PARP8: variants seen among roughly 807,000 people sequenced by gnomAD.
The protein encoded by PARP8 is poly(ADP-ribose) polymerase family member 8.
PARP8 carries 51 observed loss-of-function variants against 124.1 expected under a neutral mutation model. The ratio of observed to expected loss-of-function variants is 0.41; its 90% CI spans 0.33 to 0.52. The LOEUF (loss-of-function observed/expected upper bound fraction) is 0.52, where lower values mean the gene tolerates loss of function less well. Among genes scored for constraint, PARP8 ranks in the 20% least tolerant of loss-of-function variants. The pLI, the probability that PARP8 is intolerant of heterozygous loss-of-function variation, is 0.21. For missense variants in PARP8, 860 were observed against 1,018.9 expected (o/e 0.84, Z 2.12); for synonymous variants, 391 against 361.5 (o/e 1.08, Z -0.93).
At chr5:50,722,334 A>G (rs1036725219) in intron 2 of PARP8, among the ~76,000 whole-genome samples, 1 of 152,064 alleles carries the variant, frequency 6.6e-6, no homozygotes, top group African/African-American at 2.4e-5. Flanking sequence ...AAGATATGGT[A>G]TATACTTCTA....
In PARP8 at chr5:50,762,115, T is replaced by C. The variant is rs74610615; in HGVS notation, c.423+217T>C. On this transcript the variant is annotated intron_variant, in intron 6 of 25. Coordinates refer to ENST00000281631, the MANE Select transcript of PARP8 (RefSeq NM_024615.4). ...TTTCAATTGTAATCATTTATTTACA[T>C]TGAAGTCATCTTAATTCATTACAGC... Among the ~76,000 whole-genome samples, 117 of 152,304 alleles carry C rather than the reference T, an allele frequency of 7.7e-4. 3 individuals are homozygous for C. The East Asian group carries it at 0.021, about 28-fold the overall frequency.
chr5:50,685,975 C>G (rs1022199902), intron 2 of PARP8, among the ~76,000 whole-genome samples: 1 of 152,190 alleles, frequency 6.6e-6, no homozygotes, highest in African/African-American at 2.4e-5. Context: ...ACAGCCAAAC[C>G]ATTCTGCCCT....
At chr5:50,763,046 A>ATTT in intron 6 of PARP8, 102 bp from the exon 7 acceptor site, 1 of 758,626 alleles carries the variant, frequency 1.3e-6, no homozygotes, top group Non-Finnish European at 2.2e-6. Flanking sequence ...GAAGCTAAAA[A>ATTT]TGCCCATGGC....
intron 2 of PARP8, among the ~76,000 whole-genome samples, chr5:50,712,307 CT>C (rs1754840527): frequency 1.3e-5 from 2 of 152,086 alleles, no homozygotes; most frequent in Non-Finnish European, 2.9e-5. Context: ...GGGAAATCTT[CT>C]GTTTCCCTAC....
intron 2 of PARP8, among the ~76,000 whole-genome samples, chr5:50,748,364 C>T (rs1758847196): frequency 6.6e-6 from 1 of 152,214 alleles, no homozygotes; most frequent in African/African-American, 2.4e-5. Flanking sequence ...CCTGTTACAA[C>T]GCTGTAATCA....
chr5:50,778,196 A>T (rs1039553547), intron 8 of PARP8, 67 bp downstream of exon 8: 19 of 1,233,008 alleles, frequency 1.5e-5, no homozygotes, highest in Admixed American at 2.4e-5. Context: ...TTTTGGGGGA[A>T]ATTTAATTTT....
intron 25 of PARP8, among the ~76,000 whole-genome samples, chr5:50,841,651 G>A (rs1561457363): frequency 6.6e-6 from 1 of 151,620 alleles, no homozygotes; most frequent in Non-Finnish European, 1.5e-5. Flanking sequence ...TTTTTTTATA[G>A]TAGACTTCGT....
At chr5:50,747,473 A>G (rs1758717396) in intron 2 of PARP8, among the ~76,000 whole-genome samples, 1 of 151,624 alleles carries the variant, frequency 6.6e-6, no homozygotes, top group African/African-American at 2.4e-5. Context: ...GTCTGGTTCC[A>G]TTAATTACTC....
At chr5:50,784,103 T>C (rs1348298511) in intron 9 of PARP8, among the ~76,000 whole-genome samples, 1 of 152,192 alleles carries the variant, frequency 6.6e-6, no homozygotes, top group African/African-American at 2.4e-5. Context: ...GCATTTATAG[T>C]AAAATGAAGT....
intron 24 of PARP8, among the ~76,000 whole-genome samples, chr5:50,834,620 G>A (rs1166122202): frequency 1.3e-5 from 2 of 152,060 alleles, no homozygotes; most frequent in African/African-American, 4.8e-5. Flanking sequence ...TTCAACACAC[G>A]GTAGTTATAT....
intron 2 of PARP8, among the ~76,000 whole-genome samples, chr5:50,727,944 T>C (rs1756596135): frequency 6.6e-6 from 1 of 152,196 alleles, no homozygotes; most frequent in South Asian, 2.1e-4. Flanking sequence ...TAGAAACTTC[T>C]GAATTCAAGG....
At chr5:50,774,824 C>T (rs1477491335) in intron 7 of PARP8, among the ~76,000 whole-genome samples, 28 of 134,528 alleles carry the variant, frequency 2.1e-4, no homozygotes, top group South Asian at 2.5e-4. Flanking sequence ...CGGGCAGAGG[C>T]GCTCCTCACT....
chr5:50,840,358 G>A (rs1455530272), intron 25 of PARP8, among the ~76,000 whole-genome samples: 2 of 151,872 alleles, frequency 1.3e-5, no homozygotes, highest in Admixed American at 6.6e-5. Flanking sequence ...CAAAGGTAGA[G>A]AGAAGATTTA....
intron 5 of PARP8, 148 bp downstream of exon 5, chr5:50,760,510 G>C: frequency 1.8e-6 from 1 of 559,264 alleles, no homozygotes; most frequent in Non-Finnish European, 2.7e-6. Context: ...TGTTTGGTAT[G>C]GTAGGAAGTG....
rs1760734833 is a variant in PARP8 at position 50,763,232 on chromosome 5, G to C, written c.508G>C (p.Val170Leu). 6.2e-7 allele frequency: 1 copy of C among 1,606,408 alleles called. No individual in the cohort carries two copies. The highest frequency in any genetic ancestry group is 8.5e-7 in the Non-Finnish European group (1 of 1,173,138). ...AVREIYGPHA[V>L]SLREYGAIDD... is the part of the protein sequence containing the mutation. Reference sequence around the variant, plus strand: ...TAGAGAGATATATGGGCCACATGCAGTTTCTCTCAGGTAAATAAGTATCAC... The same window carrying C: ...TAGAGAGATATATGGGCCACATGCACTTTCTCTCAGGTAAATAAGTATCAC... Residue 170 changes from valine (V) to leucine (L), a missense_variant, in exon 7 of 26, where the codon GTT becomes CTT. Physicochemically the swap from Val to Leu is conservative, Grantham distance 32. Around this residue, in one of 2 missense-constraint regions of PARP8, gnomAD observed 517 missense variants for 544.2 expected, o/e 0.95. Transcript: ENST00000281631.
intron 10 of PARP8, among the ~76,000 whole-genome samples, chr5:50,791,363 G>A (rs1328490339): frequency 6.6e-6 from 1 of 152,148 alleles, no homozygotes; most frequent in Non-Finnish European, 1.5e-5. Flanking sequence ...AGCCCAGAGA[G>A]GTTGAGCAGC....
chr5:50,671,931 T>C (rs1329938756), intron 2 of PARP8, among the ~76,000 whole-genome samples: 2 of 152,230 alleles, frequency 1.3e-5, no homozygotes, highest in Non-Finnish European at 2.9e-5. Flanking sequence ...CATGGATATA[T>C]TGGCATCTTT....
At chr5:50,762,514 A>G (rs571137286) in intron 6 of PARP8, among the ~76,000 whole-genome samples, 1 of 152,308 alleles carries the variant, frequency 6.6e-6, no homozygotes, top group African/African-American at 2.4e-5. Context: ...TTCTGTTTCT[A>G]TAAACTCCTT....
intron 22 of PARP8, 50 bp from the exon 23 acceptor site, chr5:50,832,731 C>T (rs1344381920): frequency 1.1e-5 from 17 of 1,570,366 alleles, no homozygotes; most frequent in South Asian, 2.2e-5. Flanking sequence ...GTACTTTCAG[C>T]TGCATCAGAC....
Sources: gnomAD v4.1 joint callset for allele counts (sites outside exome capture counted in the v4.1 genomes callset) on GRCh38, gnomAD v4.1.1 for gene constraint, gnomAD v4.1.1 regional missense constraint, MANE v1.5 for transcripts, NCBI Gene and HGNC (gene_info 2026-07-23, HGNC 2026-07-21) for gene names.